NID2: variants seen among roughly 807,000 people sequenced by gnomAD.
NID2 encodes nidogen-2.
In NID2, 83 loss-of-function variants were observed where a neutral mutation model predicts 145.4. The ratio of observed to expected loss-of-function variants is 0.57; its 90% CI spans 0.48 to 0.69. NID2 has a LOEUF of 0.69. Ranked by LOEUF, NID2 falls within the 30% of genes least tolerant of loss-of-function variation. The pLI, the probability that NID2 is intolerant of heterozygous loss-of-function variation, is 0.00. For missense variants in NID2, 1,807 were observed against 1,765.7 expected, an observed-to-expected ratio of 1.02 and a Z score of -0.42; for synonymous variants, 739 against 701.3, an observed-to-expected ratio of 1.05 and a Z score of -0.85.
chr14:52,061,930 C>T (rs931627), intron 2 of NID2, among the ~76,000 whole-genome samples: 28,349 of 152,098 alleles, frequency 0.19, 3,574 homozygotes, highest in East Asian at 0.49. Flanking sequence ...ACTTACTTCA[C>T]AAATAATGTG....
intron 19 of NID2, chr14:52,006,868 C>T (rs1487032611): frequency 4.7e-6 from 2 of 421,974 alleles, no homozygotes; most frequent in East Asian, 8.8e-5. Context: ...TTTTGGAAGA[C>T]AGGATTGCAT....
rs116780454 is a variant in NID2, at chr14:52,040,794, C to G, written c.1883G>C (p.Arg628Pro). 6.2e-7 allele frequency: 1 copy of G among 1,613,996 alleles called. No individual in the cohort carries two copies. Among genetic ancestry groups the G allele is most frequent in the Admixed American group, 1.7e-5 (1 of 60,000 alleles). Residue 628 changes from arginine (R) to proline (P), a missense_variant, in exon 8 of 22, where the codon CGT becomes CCT. Arg to Pro is a moderately radical substitution (Grantham distance 103). Transcript: ENST00000216286. ...VTFYPGEETV[R>P]ITQTAEGLDP... ...AAGTCCCTCAGCAGTTTGAGTGATACGAACCGTCTCCTCTCCCGGGTAGAA... is the reference window on the plus strand; with the variant it reads ...AAGTCCCTCAGCAGTTTGAGTGATAGGAACCGTCTCCTCTCCCGGGTAGAA...
intron 7 of NID2, among the ~76,000 whole-genome samples, chr14:52,041,554 G>C (rs1013889852): frequency 6.6e-6 from 1 of 152,188 alleles, no homozygotes; most frequent in African/African-American, 2.4e-5. Context: ...CAGCAACACT[G>C]GTACCTCACC....
intron 2 of NID2, among the ~76,000 whole-genome samples, chr14:52,067,347 A>G (rs138361917): frequency 0.025 from 3,855 of 152,368 alleles, 73 homozygotes; most frequent in Middle Eastern, 0.048. Flanking sequence ...GTTATAAAAC[A>G]GTATGTGCAG....
intron 8 of NID2, among the ~76,000 whole-genome samples, chr14:52,040,384 C>T (rs1375742558): frequency 6.6e-6 from 1 of 152,026 alleles, no homozygotes; most frequent in East Asian, 1.9e-4. Context: ...TTATACCATC[C>T]CTACCCACCC....
At chr14:52,049,643 AG>A (rs2140416121) in intron 5 of NID2, among the ~76,000 whole-genome samples, 1 of 152,258 alleles carries the variant, frequency 6.6e-6, no homozygotes, top group East Asian at 1.9e-4. Flanking sequence ...TCAGAATGAC[AG>A]ACTAGTTAGA....
intron 2 of NID2, among the ~76,000 whole-genome samples, chr14:52,066,030 T>G (rs954509049): frequency 4.6e-5 from 7 of 151,740 alleles, no homozygotes; most frequent in African/African-American, 1.2e-4. Context: ...AGTAATGGGA[T>G]GGCTGGGTCA....
rs541651707 is a variant in NID2, at chr14:52,017,405, CCAGT to C, written c.3028+1652_3028+1655del. On this transcript the variant is annotated intron_variant, in intron 14 of 21. Transcript: ENST00000216286. Reference sequence around the variant, plus strand: ...CAAGCTGACCCCATCAAACATGAGACCAGTCAGAGATAGCAGTTGGGGCCAAACC... The same window carrying C: ...CAAGCTGACCCCATCAAACATGAGACCAGAGATAGCAGTTGGGGCCAAACC... 2.0e-4 allele frequency among the ~76,000 whole-genome samples: 30 copies of C among 152,218 alleles called. 1 individual carries two copies. In the South Asian group the frequency reaches 4.1e-3, roughly 21 times the overall value.
At chr14:52,027,726 C>CT (rs59253416) in intron 11 of NID2, among the ~76,000 whole-genome samples, 4,411 of 136,408 alleles carry the variant, frequency 0.032, 202 homozygotes, top group African/African-American at 0.094. Context: ...CATTTTCTTT[C>CT]TTTTTTTTTT....
intron 14 of NID2, among the ~76,000 whole-genome samples, chr14:52,017,842 CAG>C (rs1236949064): frequency 2.7e-5 from 4 of 146,802 alleles, no homozygotes; most frequent in Admixed American, 6.7e-5. Context: ...ACAAAAAAAA[CAG>C]AGTCTCACTC....
chr14:52,019,387 C>A (rs1196633544), intron 13 of NID2, 93 bp from the exon 14 acceptor site: 1 of 1,026,574 alleles, frequency 9.7e-7, no homozygotes, highest in Non-Finnish European at 1.4e-6. Context: ...CATGGAAAAG[C>A]GCTGGGATTT....
chr14:52,014,240 T>G, intron 16 of NID2, 47 bp downstream of exon 16: 1 of 1,611,712 alleles, frequency 6.2e-7, no homozygotes, highest in South Asian at 1.1e-5. Context: ...TGGCTCCCAC[T>G]GGGAAAGCCA....
intron 9 of NID2, among the ~76,000 whole-genome samples, chr14:52,032,509 C>G (rs539922199): frequency 1.4e-4 from 21 of 152,094 alleles, no homozygotes; most frequent in Admixed American, 1.4e-3. Context: ...TGAGTCAGTC[C>G]TCAATAGGTT....
intron 19 of NID2, chr14:52,007,178 C>T (rs1890819133): frequency 6.5e-6 from 1 of 153,482 alleles, no homozygotes; most frequent in African/African-American, 2.4e-5. Flanking sequence ...TTCCAAGTTT[C>T]ACATTTCTCA....
intron 16 of NID2, 146 bp from the exon 17 acceptor site, chr14:52,011,829 G>A: frequency 7.6e-6 from 7 of 918,102 alleles, no homozygotes; most frequent in Non-Finnish European, 1.2e-5. Flanking sequence ...GGACATGTGG[G>A]CACTCGGGTG....
intron 5 of NID2, among the ~76,000 whole-genome samples, chr14:52,046,183 CGTG>C (rs1566766758): frequency 6.6e-6 from 1 of 151,842 alleles, no homozygotes; most frequent in Non-Finnish European, 1.5e-5. Flanking sequence ...ATTAGCCAGG[CGTG>C]GTGGTGGGCG....
chr14:52,010,697 G>A lies in NID2; in HGVS notation c.3722+179C>T, dbSNP rs1594999453. ...AAAATATAAGTGCCATGAAAGAACA[G>A]ACCTTGTCTTTTCCTAGAACAGGTC... On this transcript the variant is annotated intron_variant, in intron 18 of 21. Coordinates refer to ENST00000216286, the MANE Select transcript of NID2 (RefSeq NM_007361.4). The A allele has an allele frequency of 5.1e-6, 3 of 583,222 alleles. No homozygotes were observed. The East Asian group carries it at 8.4e-5, about 16-fold the overall frequency. The allele number at this position is 583,222 out of a possible 1,614,324, so 36.1% of individuals were successfully genotyped here.
At position 52,060,289 on chromosome 14, in the gene NID2, G is replaced by T; in HGVS notation, c.602C>A (p.Ala201Asp). 6.2e-7 allele frequency: 1 copy of T among 1,612,996 alleles called. No homozygotes were observed. Among genetic ancestry groups the T allele is most frequent in the Non-Finnish European group, 8.5e-7 (1 of 1,179,714 alleles). ...GGTTCCAAGGAACTGCAGGCCGTTG[G>T]CAGGATAAAGAAAGAGGGCGTAGCT... is the stretch of plus-strand genomic sequence containing the variant. ...SDSYALFLYP[A>D]NGLQFLGTRP... The change falls in exon 3 of 22, where the codon GCC (alanine) becomes GAC (aspartate). Residue 201 changes from alanine to aspartate, a missense_variant. Transcript: ENST00000216286.
In NID2 at chr14:52,040,649, A is replaced by C. The variant is rs1327062145; in HGVS notation, c.2026+2T>G. 1 of 1,613,232 alleles carries C rather than the reference A, an allele frequency of 6.2e-7. No individual in the cohort carries two copies. Among genetic ancestry groups the C allele is most frequent in the Admixed American group, 1.7e-5 (1 of 60,026 alleles). On this transcript the variant is annotated splice_donor_variant, in intron 8 of 21. Transcript: ENST00000216286. LOFTEE classifies it high-confidence loss of function. Reference sequence around the variant, plus strand: ...ACAGATGTGAAGACTGGTTATACATACTGGAGTCGGAGTAGTGGTACAGCT... The same window carrying C: ...ACAGATGTGAAGACTGGTTATACATCCTGGAGTCGGAGTAGTGGTACAGCT...
Sources: gnomAD v4.1 joint callset for allele counts (sites outside exome capture counted in the v4.1 genomes callset) on GRCh38, gnomAD v4.1.1 for gene constraint, MANE v1.5 for transcripts, NCBI Gene and HGNC (gene_info 2026-07-23, HGNC 2026-07-21) for gene names.